MORC1: variants seen among roughly 807,000 people sequenced by gnomAD.
MORC1 encodes the protein MORC family CW-type zinc finger 1, also known as MORC family CW-type zinc finger protein 1.
Under a neutral mutation model 134.9 loss-of-function variants are expected in MORC1, and 59 were observed. That is an observed-to-expected ratio of 0.44 (90% CI 0.35 to 0.54). The LOEUF is 0.54. Among genes scored for constraint, MORC1 ranks in the 20% least tolerant of loss-of-function variants. The pLI, the probability that MORC1 is intolerant of heterozygous loss-of-function variation, is 0.00. For synonymous variants in MORC1, 395 were observed against 391.7 expected, an observed-to-expected ratio of 1.01 and a Z score of -0.10; for missense variants, 947 against 1,134.5, an observed-to-expected ratio of 0.83 and a Z score of 2.37.
chr3:109,104,248 T>C (rs545498813), intron 3 of MORC1, among the ~76,000 whole-genome samples: 2 of 152,096 alleles, frequency 1.3e-5, no homozygotes, highest in African/African-American at 4.8e-5. Flanking sequence ...AAAAGGTAAA[T>C]GGTGAAGTGA....
At chr3:108,977,430 C>T (rs989456814) in intron 24 of MORC1, among the ~76,000 whole-genome samples, 6 of 152,142 alleles carry the variant, frequency 3.9e-5, no homozygotes, top group African/African-American at 1.4e-4. Context: ...GTTGCCCAGG[C>T]TGATCTCGAA....
chr3:108,963,450 A>C lies in MORC1; in HGVS notation c.2763T>G (p.Arg921=). The part of the protein sequence containing the change: ...KISEDKLKNL[R]IKLALLLQKL... The stretch of plus-strand genomic sequence containing the variant: ...TCTGCAACAATAGTGCCAGTTTTAT[A>C]CGAAGATTCTTCAGCTTATCCTCAG... Residue 921 remains arginine, a synonymous_variant, in exon 27 of 28, where the codon CGT becomes CGG. Coordinates refer to ENST00000232603, the MANE Select transcript of MORC1 (RefSeq NM_014429.4). The C allele has an allele frequency of 6.2e-7, 1 of 1,610,518 alleles. No individual in the cohort carries two copies. The highest frequency in any genetic ancestry group is 8.5e-7 in the Non-Finnish European group (1 of 1,179,302).
chr3:109,074,592 T>C (rs978762752), intron 8 of MORC1, among the ~76,000 whole-genome samples: 4 of 152,218 alleles, frequency 2.6e-5, no homozygotes, highest in East Asian at 1.9e-4. Flanking sequence ...TCCAATGATC[T>C]TTAAGGATGA....
rs770468235 is a variant in MORC1 at position 109,114,426 on chromosome 3, C to G, written c.77G>C (p.Ser26Thr). Residue 26 changes from serine (S) to threonine (T), a missense_variant, in exon 2 of 28, where the codon AGT becomes ACT. This residue lies in a region of MORC1 where 214 missense variants were observed against 281.3 expected (regional missense o/e 0.76). Coordinates refer to ENST00000232603, the MANE Select transcript of MORC1 (RefSeq NM_014429.4). ...DFIHANSTTH[S>T]FLFGALAELL... ...TTCAGCCAGTGCTCCAAAAAGGAAA[C>G]TGTGAGTGGTGCTGATGAAGAAATA... 6.2e-7 allele frequency: 1 copy of G among 1,613,148 alleles called. No individual in the cohort carries two copies.
chr3:109,006,981 A>G (rs1948554503), intron 18 of MORC1, 48 bp downstream of exon 18: 11 of 1,500,052 alleles, frequency 7.3e-6, no homozygotes, highest in African/African-American at 1.4e-5. Context: ...TCTCCTTCAC[A>G]TGGTTAAAAC....
chr3:109,079,151 C>A (rs952382009), intron 8 of MORC1, among the ~76,000 whole-genome samples: 1 of 151,932 alleles, frequency 6.6e-6, no homozygotes, highest in Non-Finnish European at 1.5e-5. Context: ...CCAATCAATA[C>A]TAAATAAGGA....
rs142068141 is a variant in MORC1, at chr3:108,996,275, T to TGCGCGTGC, written c.2187+4281_2187+4282insGCACGCGC. 7.6e-4 allele frequency among the ~76,000 whole-genome samples: 92 copies of TGCGCGTGC among 121,816 alleles called. 3 individuals carry two copies. Among genetic ancestry groups the TGCGCGTGC allele is most frequent in the South Asian group, 1.0e-3 (4 of 3,856 alleles). The allele number at this position is 121,816 out of a possible 152,430, so 79.9% of individuals were successfully genotyped here. A position where few individuals can be genotyped will look rare whatever the true frequency, so the allele number is the denominator to read the frequency against. ...ATGCCTGTGCACATGTGCGCGTGCG[T>TGCGCGTGC]GCGCGCGCGCGCACACACACACACA... is the stretch of plus-strand genomic sequence containing the variant. On this transcript the variant is annotated intron_variant, in intron 21 of 27. Coordinates refer to ENST00000232603, the MANE Select transcript of MORC1 (RefSeq NM_014429.4).
Position 108,973,913 on chromosome 3 carries a change from T to C in MORC1, c.2478-2511A>G, listed in dbSNP as rs1947470864. Among the ~76,000 whole-genome samples, 3 of 152,294 alleles carry C rather than the reference T, an allele frequency of 2.0e-5. No homozygotes were observed. The South Asian group carries it at 6.2e-4, about 32-fold the overall frequency. ...ACCCGGCCAATCCAACTATTCTTTA[T>C]AAAGTACTAGAATTGTGCTAAGCAC... is the stretch of plus-strand genomic sequence containing the variant. On this transcript the variant is annotated intron_variant, in intron 24 of 27. Coordinates refer to ENST00000232603, the MANE Select transcript of MORC1 (RefSeq NM_014429.4).
intron 25 of MORC1, among the ~76,000 whole-genome samples, chr3:108,971,056 T>C (rs1947365242): frequency 6.6e-6 from 1 of 152,132 alleles, no homozygotes; most frequent in Non-Finnish European, 1.5e-5. Flanking sequence ...AGAAACTCTG[T>C]TTTTGGTGGG....
intron 23 of MORC1, among the ~76,000 whole-genome samples, chr3:108,981,643 C>T (rs1325431207): frequency 6.6e-6 from 1 of 152,084 alleles, no homozygotes; most frequent in Non-Finnish European, 1.5e-5. Flanking sequence ...ATAATAGGGC[C>T]TACCTTATAG....
At chr3:109,026,920 C>G (rs1949089411) in intron 17 of MORC1, among the ~76,000 whole-genome samples, 1 of 152,170 alleles carries the variant, frequency 6.6e-6, no homozygotes. Context: ...ATCTGACTTG[C>G]ACTGCAGAAC....
intron 9 of MORC1, among the ~76,000 whole-genome samples, chr3:109,066,334 G>A (rs1223621146): frequency 6.7e-6 from 1 of 150,136 alleles, no homozygotes; most frequent in African/African-American, 2.5e-5. Flanking sequence ...CGCCCAGGCT[G>A]GAGTGCAGTG....
chr3:108,984,387 T>C (rs1467866956), intron 23 of MORC1, among the ~76,000 whole-genome samples: 1 of 151,968 alleles, frequency 6.6e-6, no homozygotes, highest in Non-Finnish European at 1.5e-5. Flanking sequence ...GAAAAAAAAA[T>C]CAGTTAATGA....
chr3:109,058,262 TTCTG>T (rs1277432451), intron 12 of MORC1, among the ~76,000 whole-genome samples: 1 of 152,184 alleles, frequency 6.6e-6, no homozygotes, highest in Non-Finnish European at 1.5e-5. Context: ...CTCTTAAACT[TTCTG>T]TCTCATTTGA....
rs113629397 is a variant in MORC1 at position 109,007,941 on chromosome 3, A to ATGTGTG, written c.1705-856_1705-851dup. Among the ~76,000 whole-genome samples the ATGTGTG allele has an allele frequency of 2.5e-3, 376 of 149,616 alleles. 1 individual carries two copies. Among genetic ancestry groups the ATGTGTG allele is most frequent in the African/African-American group, 8.8e-3 (357 of 40,780 alleles). ...ATATAGCATATATAAGCACATATATATGTGTGTGTGTGTGTGTGTGTGTAT... is the reference window on the plus strand; with the variant it reads ...ATATAGCATATATAAGCACATATATATGTGTGTGTGTGTGTGTGTGTGTGTGTGTAT... On this transcript the variant is annotated intron_variant, in intron 17 of 27. Coordinates refer to ENST00000232603, the MANE Select transcript of MORC1 (RefSeq NM_014429.4).
At chr3:109,016,456 A>G (rs1230482165) in intron 17 of MORC1, among the ~76,000 whole-genome samples, 1 of 152,194 alleles carries the variant, frequency 6.6e-6, no homozygotes, top group Non-Finnish European at 1.5e-5. Context: ...AACACCCTTA[A>G]CTTCTTTTCT....
chr3:109,070,039 C>A (rs1950284437), intron 8 of MORC1, among the ~76,000 whole-genome samples: 1 of 152,134 alleles, frequency 6.6e-6, no homozygotes, highest in African/African-American at 2.4e-5. Flanking sequence ...TAACAGCAAT[C>A]TAAAATATAC....
chr3:109,079,616 T>C (rs1346546040), intron 8 of MORC1, among the ~76,000 whole-genome samples: 2 of 151,966 alleles, frequency 1.3e-5, no homozygotes, highest in African/African-American at 4.8e-5. Flanking sequence ...CAAAGAAGCA[T>C]ACCTACTATT....
Position 108,994,770 on chromosome 3 carries a change from T to C in MORC1, c.2187+5787A>G, listed in dbSNP as rs3792350. On this transcript the variant is annotated intron_variant, in intron 21 of 27. Coordinates refer to ENST00000232603, the MANE Select transcript of MORC1 (RefSeq NM_014429.4). ...TTCTCCAACTGCTGGCATCGGTAATTTTATTCCCCTGGTGTTCCTCAGTTT... is the reference window on the plus strand; with the variant it reads ...TTCTCCAACTGCTGGCATCGGTAATCTTATTCCCCTGGTGTTCCTCAGTTT... Among the ~76,000 whole-genome samples the C allele has an allele frequency of 6.6e-5, 10 of 152,154 alleles. No individual in the cohort carries two copies. In the East Asian group the frequency reaches 1.9e-3, roughly 29 times the overall value.
Sources: gnomAD v4.1 joint callset for allele counts (sites outside exome capture counted in the v4.1 genomes callset) on GRCh38, gnomAD v4.1.1 for gene constraint, gnomAD v4.1.1 regional missense constraint, MANE v1.5 for transcripts, NCBI Gene and HGNC (gene_info 2026-07-23, HGNC 2026-07-21) for gene names.